MSI2: variants seen among roughly 807,000 people sequenced by gnomAD.
MSI2 encodes the protein musashi RNA binding protein 2.
MSI2 carries 17 observed loss-of-function variants against 45.6 expected under a neutral mutation model. That is an observed-to-expected ratio of 0.37 (90% confidence interval 0.26 to 0.56). MSI2 has a LOEUF of 0.56. Ranked by LOEUF, MSI2 falls within the 20% of genes least tolerant of loss-of-function variation. The pLI is 0.77. For missense variants in MSI2, 293 were observed against 444.2 expected (o/e 0.66, Z 3.06); for synonymous variants, 156 against 158.2 (o/e 0.99, Z 0.11).
chr17:57,576,623 G>A (rs969958183), intron 7 of MSI2, among the ~76,000 whole-genome samples: 1 of 151,962 alleles, frequency 6.6e-6, no homozygotes, highest in African/African-American at 2.4e-5. Context: ...GCACGGTGGT[G>A]CATGCCTGTA....
intron 6 of MSI2, among the ~76,000 whole-genome samples, chr17:57,464,762 A>G (rs1183477134): frequency 6.6e-6 from 1 of 152,120 alleles, no homozygotes; most frequent in Non-Finnish European, 1.5e-5. Flanking sequence ...TTTCTCTGAG[A>G]TTGGTCCAGT....
chr17:57,697,408 G>A, the MSI2 span, among the ~76,000 whole-genome samples: 19 of 151,522 alleles, frequency 1.3e-4, no homozygotes, highest in East Asian at 5.8e-4. Flanking sequence ...CTCAGTCTTC[G>A]CCCACACTCT....
At chr17:57,404,336 G>A (rs550131883) in intron 6 of MSI2, among the ~76,000 whole-genome samples, 212 of 152,170 alleles carry the variant, frequency 1.4e-3, no homozygotes, top group Non-Finnish European at 2.7e-3. Context: ...ATGGACTGAC[G>A]ATGGGCAAGA....
rs541982468 is a variant in MSI2, at chr17:57,385,791, A to G, written c.313-15588A>G. On this transcript the variant is annotated intron_variant, in intron 5 of 13. Transcript: ENST00000284073. Reference sequence around the variant, plus strand: ...CTGACTGGTCTGACTTCTGTGTTATAGTTGTTGTTGCTGTGGAACAAATTA... The same window carrying G: ...CTGACTGGTCTGACTTCTGTGTTATGGTTGTTGTTGCTGTGGAACAAATTA... Among the ~76,000 whole-genome samples, 8 of 152,360 alleles carry G rather than the reference A, an allele frequency of 5.3e-5. No individual in the cohort carries two copies. In the South Asian group the frequency reaches 1.7e-3, roughly 32 times the overall value.
At chr17:57,612,581 C>G (rs1237041892) in intron 8 of MSI2, among the ~76,000 whole-genome samples, 1 of 152,210 alleles carries the variant, frequency 6.6e-6, no homozygotes. Flanking sequence ...GTTGACCCAG[C>G]AGGTGGTTGG....
rs776345010 is a variant in MSI2, at chr17:57,675,027, C to T, written c.846C>T (p.Val282=). The T allele has an allele frequency of 3.1e-6, 5 of 1,613,816 alleles. No individual in the cohort carries two copies. The Admixed American group carries it at 5.0e-5, about 16-fold the overall frequency. Residue 282 remains valine (V), a synonymous_variant, in exon 12 of 14, where the codon GTC becomes GTT. Coordinates refer to ENST00000284073, the MANE Select transcript of MSI2 (RefSeq NM_138962.4). ...GFPGANSPGP[V]ADLYGPASQD... is the part of the protein sequence containing the mutation. ...CGGGGGCCAACAGCCCAGGACCTGT[C>T]GCCGATCTCTACGGCCCTGCCAGCC...
chr17:57,577,307 C>A (rs1292361634), intron 7 of MSI2, among the ~76,000 whole-genome samples: 1 of 152,182 alleles, frequency 6.6e-6, no homozygotes, highest in East Asian at 1.9e-4. Flanking sequence ...ATGCCCCTTT[C>A]CCCAGAAATA....
At chr17:57,525,730 T>C (rs1009154415) in intron 6 of MSI2, among the ~76,000 whole-genome samples, 1 of 152,232 alleles carries the variant, frequency 6.6e-6, no homozygotes, top group Non-Finnish European at 1.5e-5. Context: ...TGCCAGGACA[T>C]GGGACAAATC....
At chr17:57,487,713 C>A (rs1191590261) in intron 6 of MSI2, among the ~76,000 whole-genome samples, 1 of 151,788 alleles carries the variant, frequency 6.6e-6, no homozygotes, top group Non-Finnish European at 1.5e-5. Context: ...CAGCTTTAAC[C>A]ACACCAAACT....
intron 7 of MSI2, among the ~76,000 whole-genome samples, chr17:57,591,059 C>A (rs1598429210): frequency 6.6e-6 from 1 of 152,296 alleles, no homozygotes; most frequent in East Asian, 1.9e-4. Context: ...GAGCAGGATC[C>A]CTGCTTCTGC....
At position 57,311,031 on chromosome 17, in the gene MSI2, G is replaced by C. The variant is rs181222913; in HGVS notation, c.312+48839G>C. 1.2e-3 allele frequency among the ~76,000 whole-genome samples: 181 copies of C among 152,294 alleles called. 1 individual carries two copies. Among genetic ancestry groups the C allele is most frequent in the Admixed American group, 9.0e-3 (137 of 15,298 alleles). ...ACAACGTTGTTGTGAGGATCTGATG[G>C]GTTTCTCTGCAACATGTGTCAAATT... is the stretch of plus-strand genomic sequence containing the variant. On this transcript the variant is annotated intron_variant, in intron 5 of 13. Transcript: ENST00000284073.
intron 7 of MSI2, among the ~76,000 whole-genome samples, chr17:57,565,250 A>G (rs893927150): frequency 6.6e-6 from 1 of 152,146 alleles, no homozygotes; most frequent in African/African-American, 2.4e-5. Flanking sequence ...GAAGGAAGAG[A>G]TCATGCTGGA....
At chr17:57,639,651 G>C (rs1312159315) in intron 10 of MSI2, among the ~76,000 whole-genome samples, 1 of 152,218 alleles carries the variant, frequency 6.6e-6, no homozygotes, top group African/African-American at 2.4e-5. Flanking sequence ...TCCTTCCACT[G>C]AGGTCCTGCT....
At chr17:57,670,251 A>G (rs1389289691) in intron 11 of MSI2, among the ~76,000 whole-genome samples, 1 of 152,172 alleles carries the variant, frequency 6.6e-6, no homozygotes, top group Non-Finnish European at 1.5e-5. Context: ...CCTTTTCTAG[A>G]CCCACAGTGA....
At chr17:57,320,192 G>C (rs1001028534) in intron 5 of MSI2, among the ~76,000 whole-genome samples, 1 of 152,192 alleles carries the variant, frequency 6.6e-6, no homozygotes, top group African/African-American at 2.4e-5. Context: ...AGGGGCGATT[G>C]TGAGCTCTTG....
chr17:57,680,032 C>A lies in MSI2; in HGVS notation c.*515C>A. On this transcript the variant is annotated 3_prime_UTR_variant, in exon 14 of 14. Transcript: ENST00000284073. ...AATATGACTCTCCATATTTTGGTAC[C>A]AATTCTGAGACTGTATGAATTTTCA... is the stretch of plus-strand genomic sequence containing the variant. 4.4e-6 allele frequency: 1 copy of A among 228,378 alleles called. No individual in the cohort carries two copies. Among genetic ancestry groups the A allele is most frequent in the Non-Finnish European group, 8.7e-6 (1 of 115,022 alleles). The allele number at this position is 228,378 out of a possible 1,614,324, so 14.1% of individuals were successfully genotyped here.
chr17:57,423,877 G>C (rs1261486986), intron 6 of MSI2, among the ~76,000 whole-genome samples: 1 of 152,054 alleles, frequency 6.6e-6, no homozygotes, highest in East Asian at 1.9e-4. Context: ...TCTTGCGGTA[G>C]TTACAATATT....
intron 5 of MSI2, among the ~76,000 whole-genome samples, chr17:57,288,761 T>C (rs1231708774): frequency 6.6e-6 from 1 of 152,208 alleles, no homozygotes; most frequent in South Asian, 2.1e-4. Flanking sequence ...TTCTGTGCTC[T>C]AGGCCAGGGG....
intron 6 of MSI2, among the ~76,000 whole-genome samples, chr17:57,525,167 C>T (rs750289161): frequency 5.9e-5 from 9 of 152,134 alleles, no homozygotes; most frequent in Non-Finnish European, 1.0e-4. Context: ...TAGTCTGAAC[C>T]GTGCAGTAGT....
Sources: allele counts gnomAD v4.1 joint callset (sites outside exome capture counted in the v4.1 genomes callset), GRCh38; gene constraint gnomAD v4.1.1; transcripts MANE v1.5; gene names NCBI Gene and HGNC (gene_info 2026-07-23, HGNC 2026-07-21).